Variants in LOXL4 observed in about 807,000 individuals in gnomAD.
LOXL4 encodes lysyl oxidase like 4.
A neutral mutation model predicts 89.1 loss-of-function variants in LOXL4; 72 were observed. The observed-to-expected ratio is 0.81, with a 90% confidence interval of 0.67 to 0.98. LOXL4 has a LOEUF of 0.98. LOXL4 is among the 50% of genes least tolerant of loss of function. LOXL4 has a pLI of 0.00. For synonymous variants in LOXL4, 355 were observed against 392.1 expected, an observed-to-expected ratio of 0.91 and a Z score of 1.12; for missense variants, 984 against 1,017.5, an observed-to-expected ratio of 0.97 and a Z score of 0.45.
intron 11 of LOXL4, among the ~76,000 whole-genome samples, chr10:98,252,828 TC>T (rs984280675): frequency 6.6e-5 from 10 of 151,876 alleles, no homozygotes; most frequent in African/African-American, 2.2e-4. Context: ...GGGAAGAGGG[TC>T]CCTGTAAGCC....
chr10:98,263,365 C>T (rs893999601), intron 1 of LOXL4, among the ~76,000 whole-genome samples: 7 of 152,116 alleles, frequency 4.6e-5, no homozygotes, highest in Non-Finnish European at 1.0e-4. Flanking sequence ...AATAAAACAC[C>T]GTATGGAAAG....
intron 4 of LOXL4, among the ~76,000 whole-genome samples, chr10:98,259,913 C>T (rs1858491376): frequency 6.6e-6 from 1 of 152,160 alleles, no homozygotes. Flanking sequence ...AAGGATGGAG[C>T]CAGAGGCTGA....
chr10:98,258,305 T>TTC, intron 6 of LOXL4, 141 bp from the exon 7 acceptor site: 1 of 795,228 alleles, frequency 1.3e-6, no homozygotes, highest in African/African-American at 1.7e-5. Context: ...CCAGTCCTGC[T>TTC]TCTGACTTCC....
Position 98,259,185 on chromosome 10 carries a change from C to G in LOXL4, c.745G>C (p.Val249Leu). The change falls in exon 6 of 15, where the codon GTC becomes CTC. Residue 249 changes from valine to leucine, a missense_variant. Val to Leu is a conservative substitution (Grantham distance 32). Transcript: ENST00000260702. The stretch of plus-strand genomic sequence containing the variant: ...TGGGGCTCTGTCCCCAGGCAGGTGA[C>G]CTGGTGGATCCAGAAGGAGTTCTTA... Reference protein sequence around the residue: ...TNKNSFWIHQVTCLGTEPHMA... With the variant: ...TNKNSFWIHQLTCLGTEPHMA... The G allele has an allele frequency of 6.2e-7, 1 of 1,612,022 alleles. No individual in the cohort carries two copies. Among genetic ancestry groups the G allele is most frequent in the Non-Finnish European group, 8.5e-7 (1 of 1,179,748 alleles).
At chr10:98,260,805 G>A in intron 4 of LOXL4, 117 bp downstream of exon 4, 4 of 1,088,962 alleles carry the variant, frequency 3.7e-6, no homozygotes, top group Non-Finnish European at 5.3e-6. Context: ...CCCCTCACAT[G>A]AGTCCACACT....
At position 98,256,882 on chromosome 10, in the gene LOXL4, C is replaced by T. The variant is rs774699622; in HGVS notation, c.1326G>A (p.Gly442=). The part of the protein sequence containing the change: ...GLLEVQVEVN[G]VPRWGSVCSE... The stretch of plus-strand genomic sequence containing the variant: ...TGCACACGCTCCCCCAGCGTGGGAC[C>T]CCGTTCACCTCCACCTGCACCTCCA... The change falls in exon 9 of 15, where the codon GGG becomes GGA. Residue 442 remains glycine (G), a synonymous_variant. Coordinates refer to ENST00000260702, the MANE Select transcript of LOXL4 (RefSeq NM_032211.7). 1.2e-6 allele frequency: 2 copies of T among 1,614,224 alleles called. No individual in the cohort carries two copies. Among genetic ancestry groups the T allele is most frequent in the East Asian group, 4.5e-5 (2 of 44,884 alleles).
At chr10:98,255,445 G>A in intron 10 of LOXL4, 132 bp downstream of exon 10, 2 of 1,027,718 alleles carry the variant, frequency 1.9e-6, no homozygotes, top group Non-Finnish European at 2.7e-6. Flanking sequence ...CCACACAGCT[G>A]GGAAATGGCA....
intron 1 of LOXL4, among the ~76,000 whole-genome samples, chr10:98,263,480 G>A (rs1357807600): frequency 1.3e-5 from 2 of 152,052 alleles, no homozygotes; most frequent in Non-Finnish European, 2.9e-5. Context: ...TTTGAGTCAC[G>A]GGGATGCCCC....
rs768366961 is a variant in LOXL4 at position 98,257,699 on chromosome 10, T to G, written c.1211A>C (p.Asn404Thr). 17 of 1,613,990 alleles carry G rather than the reference T, an allele frequency of 1.1e-5. No homozygotes were observed. Among genetic ancestry groups the G allele is most frequent in the Non-Finnish European group, 1.4e-5 (17 of 1,180,002 alleles). ...GACATTGCACCTGACAGCAGCATCA[T>G]TCTCATGTTGGCAACCATTCTGGGA... ...EGSQNGCQHE[N>T]DAAVRCNVPN... Residue 404 changes from asparagine to threonine, a missense_variant, in exon 8 of 15, where the codon AAT (asparagine) becomes ACT (threonine). Physicochemically the swap from Asn to Thr is moderately conservative, Grantham distance 65. Coordinates refer to ENST00000260702, the MANE Select transcript of LOXL4 (RefSeq NM_032211.7).
rs754568734 is a variant in LOXL4 at position 98,252,465 on chromosome 10, A to G, written c.1839T>C (p.His613=). The change falls in exon 12 of 15, where the codon CAT becomes CAC. Residue 613 remains histidine, a synonymous_variant. Transcript: ENST00000260702. ...DSWVWHQCHR[H]YHSIEVFTHY... ...GGGTGAAGACCTCAATGCTGTGGTA[A>G]TGCCTGCAGAAGGGGTAGAGCTGTC... 15 of 1,609,212 alleles carry G rather than the reference A, an allele frequency of 9.3e-6. No individual in the cohort carries two copies. The highest frequency in any genetic ancestry group is 1.7e-5 in the Admixed American group (1 of 59,976).
Position 98,262,870 on chromosome 10 carries a change from G to T in LOXL4, c.150C>A (p.His50Gln), listed in dbSNP as rs141176738. ...CACACACGGTGCCCCACTGGCCCTG[G>T]TGCAGCACCTCCAGGCGGCCCTCCT... Reference protein sequence around the residue: ...KPEEGRLEVLHQGQWGTVCDD... With the variant: ...KPEEGRLEVLQQGQWGTVCDD... Residue 50 changes from histidine to glutamine, a missense_variant, in exon 2 of 15, where the codon CAC becomes CAA. By Grantham distance (24) the His-to-Gln change is conservative (BLOSUM62 0). Coordinates refer to ENST00000260702, the MANE Select transcript of LOXL4 (RefSeq NM_032211.7). 1 of 1,613,740 alleles carries T rather than the reference G, an allele frequency of 6.2e-7. No homozygotes were observed. The highest frequency in any genetic ancestry group is 1.1e-5 in the South Asian group (1 of 91,086).
In LOXL4 at chr10:98,266,929, G is replaced by C. The variant is rs748644738; in HGVS notation, c.-33+1203C>G. Among the ~76,000 whole-genome samples, 110 of 152,242 alleles carry C rather than the reference G, an allele frequency of 7.2e-4. 2 individuals are homozygous for C. The highest frequency in any genetic ancestry group is 1.2e-3 in the Non-Finnish European group (80 of 68,020). On this transcript the variant is annotated intron_variant, in intron 1 of 14. Coordinates refer to ENST00000260702, the MANE Select transcript of LOXL4 (RefSeq NM_032211.7). Reference sequence around the variant, plus strand: ...CACTGAGCACAGAGGACCAAGCTGTGCATCCTCCCTCAGAGAAGGAAGCGG... The same window carrying C: ...CACTGAGCACAGAGGACCAAGCTGTCCATCCTCCCTCAGAGAAGGAAGCGG...
chr10:98,261,126 C>T lies in LOXL4; in HGVS notation c.458G>A (p.Gly153Asp). The T allele has an allele frequency of 6.2e-7, 1 of 1,610,762 alleles. No homozygotes were observed. Among genetic ancestry groups the T allele is most frequent in the South Asian group, 1.1e-5 (1 of 91,068 alleles). ...GAGCCGCACCTCCTCCAGCCGCCGG[C>T]CCTGCGGGGTGCACAGTCACCTGTG... The part of the protein sequence containing the change: ...ETVSNALGPQ[G>D]RRLEEVRLKP... Residue 153 changes from glycine to aspartate, a missense_variant and splice_region_variant, in exon 4 of 15, where the codon GGC becomes GAC. By Grantham distance (94) the Gly-to-Asp change is moderately conservative. Coordinates refer to ENST00000260702, the MANE Select transcript of LOXL4 (RefSeq NM_032211.7).
rs367935669 is a variant in LOXL4, at chr10:98,263,123, GCT to G, written c.-32-74_-32-73del. On this transcript the variant is annotated intron_variant, in intron 1 of 14. Transcript: ENST00000260702. ...CTCAGACCTCTGCAGCAATTTGGCA[GCT>G]CCTGGCAAGACAAAGGAAAGAAAAC... 4.7e-5 allele frequency: 62 copies of G among 1,312,266 alleles called. No individual in the cohort carries two copies. In the East Asian group the frequency reaches 1.5e-3, roughly 31 times the overall value. The allele number at this position is 1,312,266 out of a possible 1,614,324, so 81.3% of individuals were successfully genotyped here.
chr10:98,267,152 A>G (rs946654815), intron 1 of LOXL4, among the ~76,000 whole-genome samples: 2 of 152,328 alleles, frequency 1.3e-5, no homozygotes, highest in East Asian at 3.9e-4. Context: ...CCAGGATTCA[A>G]ACCCAAGCAG....
chr10:98,265,952 TCTC>T (rs1858673857), intron 1 of LOXL4, among the ~76,000 whole-genome samples: 1 of 152,124 alleles, frequency 6.6e-6, no homozygotes, highest in Non-Finnish European at 1.5e-5. Context: ...CCTCTGCAGC[TCTC>T]CCCCTCTGAC....
chr10:98,263,962 A>G (rs1259907426), intron 1 of LOXL4, among the ~76,000 whole-genome samples: 1 of 151,380 alleles, frequency 6.6e-6, no homozygotes, highest in African/African-American at 2.4e-5. Flanking sequence ...TGAACTCCTG[A>G]CCTCGTGATC....
intron 12 of LOXL4, chr10:98,251,951 A>G (rs1298087444): frequency 1.8e-6 from 1 of 542,634 alleles, no homozygotes; most frequent in Non-Finnish European, 3.2e-6. Flanking sequence ...CTCCCGTGCT[A>G]ATTTACTTGT....
At chr10:98,258,189 G>A in intron 6 of LOXL4, 25 bp from the exon 7 acceptor site, 1 of 1,592,710 alleles carries the variant, frequency 6.3e-7, no homozygotes, top group Non-Finnish European at 8.6e-7. Context: ...CTGCTTCAGG[G>A]ACGGCTGAGG....
Sources: gnomAD v4.1 joint callset for allele counts (sites outside exome capture counted in the v4.1 genomes callset) on GRCh38, gnomAD v4.1.1 for gene constraint, MANE v1.5 for transcripts, NCBI Gene and HGNC (gene_info 2026-07-23, HGNC 2026-07-21) for gene names.